KIF7: variants seen among roughly 807,000 people sequenced by gnomAD.
KIF7 encodes the protein kinesin-like protein KIF7.
A neutral mutation model predicts 135.7 loss-of-function variants in KIF7; 104 were observed. That is an observed-to-expected ratio of 0.77 (90% CI 0.65 to 0.90). The LOEUF (loss-of-function observed/expected upper bound fraction) is 0.90, where lower values mean the gene tolerates loss of function less well. Among genes scored for constraint, KIF7 ranks in the 40% least tolerant of loss-of-function variants. The probability of loss-of-function intolerance (pLI) is 0.00; values close to 1 mark genes in which losing one functional copy is unlikely to be tolerated. For synonymous variants in KIF7, 883 were observed against 809.4 expected (o/e 1.09, Z -1.54); for missense variants, 2,005 against 1,839.1 (o/e 1.09, Z -1.65).
In KIF7 at chr15:89,630,503, C is replaced by T. The variant is rs370548253; in HGVS notation, c.3112-10G>A. ...ACAGCGTCCGCTCCTCCTGCAGAGA[C>T]GGGCACGCGTGGAGGAACAGCACCC... On this transcript the variant is annotated splice_polypyrimidine_tract_variant and intron_variant, in intron 15 of 18. Transcript: ENST00000394412. 15 of 1,548,936 alleles carry T rather than the reference C, an allele frequency of 9.7e-6. No homozygotes were observed. In the East Asian group the frequency reaches 2.7e-4, roughly 28 times the overall value.
Position 89,649,204 on chromosome 15 carries a change from G to T in KIF7, c.693C>A (p.Ala231=). 1 of 1,546,342 alleles carries T rather than the reference G, an allele frequency of 6.5e-7. No individual in the cohort carries two copies. The highest frequency in any genetic ancestry group is 1.2e-5 in the South Asian group (1 of 83,936). ...GGGCGGGGCGGGGTAGGCGGCTGGG[G>T]GCGCGCCCCCGCTGCTCCAGGGTCA... ...FTVTLEQRGR[A]PSRLPRPAPG... Residue 231 remains alanine (A), a synonymous_variant, in exon 4 of 19, where the codon GCC becomes GCA. Coordinates refer to ENST00000394412, the MANE Select transcript of KIF7 (RefSeq NM_198525.3).
chr15:89,624,776 AG>A, downstream of KIF7: 1 of 1,614,176 alleles, frequency 6.2e-7, no homozygotes, highest in Non-Finnish European at 8.5e-7. Flanking sequence ...GAAGAGGGTG[AG>A]GGGCTAAGGA....
chr15:89,640,980 GCAACAGAGTGAGACTCCGTCT>G (rs1296990171), intron 11 of KIF7, among the ~76,000 whole-genome samples: 1 of 152,260 alleles, frequency 6.6e-6, no homozygotes, highest in East Asian at 1.9e-4. Context: ...TCCAGCCTGA[GCAACAGAGTGAGACTCCGTCT>G]CAAAAAATAA....
intron 10 of KIF7, 86 bp from the exon 11 acceptor site, chr15:89,642,491 C>T: frequency 8.6e-7 from 1 of 1,158,348 alleles, no homozygotes; most frequent in Non-Finnish European, 1.2e-6. Context: ...TTTCCCAGCC[C>T]TTGGACACCT....
At chr15:89,624,382 C>A (rs767255970), downstream of KIF7, 37 of 1,613,994 alleles carry the variant, frequency 2.3e-5, no homozygotes, top group Non-Finnish European at 3.1e-5. Context: ...CTGCCCTGTT[C>A]CCTCAACTCC....
upstream of KIF7, among the ~76,000 whole-genome samples, chr15:89,658,866 AAAT>A (rs748666194): frequency 3.9e-4 from 60 of 151,962 alleles, no homozygotes; most frequent in Non-Finnish European, 5.9e-4. Context: ...CCTGTCTCAA[AAAT>A]AATAATAATA....
chr15:89,624,371 C>T, downstream of KIF7: 2 of 1,614,122 alleles, frequency 1.2e-6, no homozygotes, highest in South Asian at 1.1e-5. Flanking sequence ...GCATCTCTCT[C>T]CTGCCCTGTT....
At chr15:89,626,260 C>T (rs1023173060), downstream of KIF7, among the ~76,000 whole-genome samples, 2 of 152,206 alleles carry the variant, frequency 1.3e-5, no homozygotes, top group Admixed American at 6.5e-5. Flanking sequence ...AGAAGCCCCT[C>T]AAAATCCTGC....
chr15:89,645,897 G>A lies in KIF7; in HGVS notation c.1918C>T (p.Arg640Cys), dbSNP rs553948489. The change falls in exon 8 of 19, where the codon CGC becomes TGC. Residue 640 changes from arginine to cysteine, a missense_variant. Arg to Cys is a radical substitution (Grantham distance 180). Transcript: ENST00000394412. ...EEPPRRTLHL[R>C]RNRISNCSQR... Reference sequence around the variant, plus strand: ...GGGGCAGTGGGTCCCACTCACCTGCGCAGGTGTAAGGTCCGCCTGGGCGGC... The same window carrying A: ...GGGGCAGTGGGTCCCACTCACCTGCACAGGTGTAAGGTCCGCCTGGGCGGC... 1.8e-5 allele frequency: 29 copies of A among 1,613,154 alleles called. No homozygotes were observed. Among genetic ancestry groups the A allele is most frequent in the Non-Finnish European group, 2.4e-5 (28 of 1,179,876 alleles).
At chr15:89,631,392 A>G in intron 15 of KIF7, 103 bp downstream of exon 15, 1 of 1,079,522 alleles carries the variant, frequency 9.3e-7, no homozygotes, top group Non-Finnish European at 1.3e-6. Flanking sequence ...GTCTGCCGAC[A>G]GCAAGGCCCA....
intron 2 of KIF7, 107 bp from the exon 3 acceptor site, chr15:89,650,048 G>C (rs750043633): frequency 1.7e-6 from 2 of 1,175,936 alleles, no homozygotes; most frequent in Non-Finnish European, 2.4e-6. Context: ...TGGTGCTCTA[G>C]GATGGAGAAG....
At chr15:89,651,650 G>T (rs753900904) in intron 2 of KIF7, among the ~76,000 whole-genome samples, 1 of 152,252 alleles carries the variant, frequency 6.6e-6, no homozygotes, top group Non-Finnish European at 1.5e-5. Context: ...TAACAGGGCA[G>T]GGGATTTCCG....
At chr15:89,619,279 G>A (rs1963385768) in intron 1 of KIF7, among the ~76,000 whole-genome samples, 1 of 142,488 alleles carries the variant, frequency 7.0e-6, no homozygotes, top group African/African-American at 2.7e-5. Context: ...AGGCTGGAGT[G>A]CACTGGCATG....
rs758433714 is a variant in KIF7, at chr15:89,632,852, C to A, written c.2863G>T (p.Gly955Trp). The change falls in exon 14 of 19, where the codon GGG becomes TGG. Residue 955 changes from glycine (G) to tryptophan (W), a missense_variant. By Grantham distance (184) the Gly-to-Trp change is radical. Coordinates refer to ENST00000394412, the MANE Select transcript of KIF7 (RefSeq NM_198525.3). ...KKEALMQEKT[G>W]LESKRLRSSQ... The stretch of plus-strand genomic sequence containing the variant: ...GATCTCAGGCGCTTGCTCTCCAGCC[C>A]CGTCTTCTCCTGCATCAGGGCCTCC... The A allele has an allele frequency of 2.5e-6, 4 of 1,608,820 alleles. No individual in the cohort carries two copies. The highest frequency in any genetic ancestry group is 3.4e-6 in the Non-Finnish European group (4 of 1,179,766).
intron 1 of KIF7, among the ~76,000 whole-genome samples, chr15:89,653,316 G>A (rs188829491): frequency 1.3e-5 from 2 of 152,232 alleles, no homozygotes; most frequent in East Asian, 1.9e-4. Context: ...AACACCCACT[G>A]GGTTTACCAC....
chr15:89,650,402 T>A (rs138352824), intron 2 of KIF7, among the ~76,000 whole-genome samples: 1 of 152,184 alleles, frequency 6.6e-6, no homozygotes, highest in Non-Finnish European at 1.5e-5. Flanking sequence ...AAATCAACTT[T>A]TTTTTTTTGA....
At position 89,633,668 on chromosome 15, in the gene KIF7, C is replaced by T. The variant is rs1334957040; in HGVS notation, c.2592+18G>A. On this transcript the variant is annotated intron_variant, in intron 12 of 18. Transcript: ENST00000394412. ...TATTGGCCTGGACAGAAGGTCCCCA[C>T]CCTGCCGTGAGCCTGACCTTGACGC... The T allele has an allele frequency of 6.2e-7, 1 of 1,604,052 alleles. No homozygotes were observed. Among genetic ancestry groups the T allele is most frequent in the South Asian group, 1.1e-5 (1 of 90,594 alleles).
At chr15:89,645,286 C>T (rs762987974) in intron 9 of KIF7, 50 bp downstream of exon 9, 5 of 1,601,782 alleles carry the variant, frequency 3.1e-6, no homozygotes, top group Admixed American at 1.7e-5. Context: ...GGCCCAGAAC[C>T]GTGGAGGGGC....
intron 7 of KIF7, 52 bp from the exon 8 acceptor site, chr15:89,646,078 C>T: frequency 1.2e-6 from 2 of 1,609,298 alleles, no homozygotes; most frequent in Non-Finnish European, 1.7e-6. Flanking sequence ...GCGATATACC[C>T]CACCTTGCCT....
Sources: gnomAD v4.1 joint callset for allele counts (sites outside exome capture counted in the v4.1 genomes callset) on GRCh38, gnomAD v4.1.1 for gene constraint, MANE v1.5 for transcripts, NCBI Gene and HGNC (gene_info 2026-07-23, HGNC 2026-07-21) for gene names.